CDH9: variants seen among roughly 807,000 people sequenced by gnomAD.
The protein encoded by CDH9 is cadherin-9.
In CDH9, 28 loss-of-function variants were observed where a neutral mutation model predicts 70.9. The observed-to-expected ratio is 0.40, with a 90% CI of 0.29 to 0.54. CDH9 has a LOEUF of 0.54. Among genes scored for constraint, CDH9 ranks in the 20% least tolerant of loss-of-function variants. The pLI, the probability that CDH9 is intolerant of heterozygous loss-of-function variation, is 0.59. For synonymous variants in CDH9, 409 were observed against 343.1 expected, an observed-to-expected ratio of 1.19 and a Z score of -2.12; for missense variants, 874 against 984.4, an observed-to-expected ratio of 0.89 and a Z score of 1.50.
intron 2 of CDH9, among the ~76,000 whole-genome samples, chr5:26,960,399 A>G (rs1006199688): frequency 3.3e-5 from 5 of 152,056 alleles, no homozygotes; most frequent in African/African-American, 1.2e-4. Flanking sequence ...TCCAATCACT[A>G]GTATGCTTAC....
At chr5:26,975,153 TC>T (rs898798111) in intron 2 of CDH9, among the ~76,000 whole-genome samples, 1 of 152,154 alleles carries the variant, frequency 6.6e-6, no homozygotes, top group African/African-American at 2.4e-5. Flanking sequence ...GAAAGCTACT[TC>T]CTGATTTCAC....
chr5:27,035,883 T>C (rs1743385481), intron 1 of CDH9, among the ~76,000 whole-genome samples: 1 of 151,822 alleles, frequency 6.6e-6, no homozygotes, highest in South Asian at 2.1e-4. Flanking sequence ...TAAATTATAT[T>C]GAAGCATCTG....
chr5:26,985,490 C>T (rs894247239), intron 2 of CDH9, among the ~76,000 whole-genome samples: 1 of 152,000 alleles, frequency 6.6e-6, no homozygotes, highest in African/African-American at 2.4e-5. Context: ...AATTTTTCTG[C>T]ACTATTTTAT....
chr5:26,910,647 A>C (rs887359297), intron 3 of CDH9, among the ~76,000 whole-genome samples: 1 of 152,204 alleles, frequency 6.6e-6, no homozygotes, highest in Non-Finnish European at 1.5e-5. Flanking sequence ...AAAGAGGTGA[A>C]TAGTATGGGC....
chr5:26,924,371 G>T (rs1741299379), intron 2 of CDH9, among the ~76,000 whole-genome samples: 1 of 151,190 alleles, frequency 6.6e-6, no homozygotes, highest in Non-Finnish European at 1.5e-5. Context: ...CTAAACAGAT[G>T]AATAATAATG....
Position 27,033,399 on chromosome 5 carries a change from G to A in CDH9, c.-50+5064C>T, listed in dbSNP as rs546127145. Among the ~76,000 whole-genome samples the A allele has an allele frequency of 7.3e-5, 11 of 151,206 alleles. No homozygotes were observed. The South Asian group carries it at 2.1e-3, about 29-fold the overall frequency. On this transcript the variant is annotated intron_variant, in intron 1 of 11. Coordinates refer to ENST00000231021, the MANE Select transcript of CDH9 (RefSeq NM_016279.4). ...ATACACACACAAACATACAGACATAGCTATAGATACAGATATACAGAAATA... is the reference window on the plus strand; with the variant it reads ...ATACACACACAAACATACAGACATAACTATAGATACAGATATACAGAAATA...
At chr5:26,888,215 T>G (rs1740597781) in intron 9 of CDH9, among the ~76,000 whole-genome samples, 1 of 152,188 alleles carries the variant, frequency 6.6e-6, no homozygotes, top group South Asian at 2.1e-4. Flanking sequence ...TCATATGTAT[T>G]TGGTGGGAAT....
intron 1 of CDH9, among the ~76,000 whole-genome samples, chr5:26,996,469 T>C (rs529711794): frequency 6.6e-6 from 1 of 152,152 alleles, no homozygotes; most frequent in Admixed American, 6.5e-5. Flanking sequence ...TCCAATACTC[T>C]GTTTTGTCTC....
At chr5:26,953,368 G>A (rs770358402) in intron 2 of CDH9, among the ~76,000 whole-genome samples, 4 of 152,096 alleles carry the variant, frequency 2.6e-5, no homozygotes, top group Non-Finnish European at 5.9e-5. Context: ...TAATCATAAT[G>A]CATTTTCTCC....
At chr5:26,986,239 T>C (rs1186219975) in intron 2 of CDH9, among the ~76,000 whole-genome samples, 1 of 152,084 alleles carries the variant, frequency 6.6e-6, no homozygotes, top group Non-Finnish European at 1.5e-5. Flanking sequence ...AGTGTTCCAT[T>C]TGTGGTTCAT....
At chr5:26,987,195 A>G (rs1345933340) in intron 2 of CDH9, among the ~76,000 whole-genome samples, 7 of 149,326 alleles carry the variant, frequency 4.7e-5, no homozygotes, top group South Asian at 4.2e-4. Context: ...CTCTCCAAGT[A>G]CATATATGCC....
intron 2 of CDH9, among the ~76,000 whole-genome samples, chr5:26,983,570 A>C (rs1196414230): frequency 6.6e-6 from 1 of 152,200 alleles, no homozygotes; most frequent in Non-Finnish European, 1.5e-5. Flanking sequence ...TGCTGTCCTT[A>C]AAGCGTAGTC....
At position 26,902,850 on chromosome 5, in the gene CDH9, G is replaced by A. The variant is rs1740881105; in HGVS notation, c.1000-121C>T. 4.9e-6 allele frequency: 3 copies of A among 611,810 alleles called. No homozygotes were observed. The Admixed American group carries it at 8.8e-5, about 18-fold the overall frequency. 37.9% of individuals were successfully genotyped at this position (611,810 alleles called of 1,614,324 possible). A position where few individuals can be genotyped will look rare whatever the true frequency, so the allele number is the denominator to read the frequency against. On this transcript the variant is annotated intron_variant, in intron 6 of 11. Coordinates refer to ENST00000231021, the MANE Select transcript of CDH9 (RefSeq NM_016279.4). ...CCAACAATTCTATTTAAATGACAAT[G>A]ATTGCTTCATAGGTATATGAAATAA...
chr5:27,003,551 C>T (rs1171836528), intron 1 of CDH9, among the ~76,000 whole-genome samples: 2 of 152,028 alleles, frequency 1.3e-5, no homozygotes, highest in East Asian at 3.9e-4. Context: ...TTGAAAATGG[C>T]ACATGATCTC....
chr5:26,955,468 T>G (rs1476357150), intron 2 of CDH9, among the ~76,000 whole-genome samples: 2 of 152,190 alleles, frequency 1.3e-5, no homozygotes, highest in East Asian at 1.9e-4. Context: ...TTAAGTTTTT[T>G]GGGGCTGCCT....
At chr5:27,022,008 C>G (rs1166466319) in intron 1 of CDH9, among the ~76,000 whole-genome samples, 1 of 151,916 alleles carries the variant, frequency 6.6e-6, no homozygotes, top group African/African-American at 2.4e-5. Flanking sequence ...TACATTGAAA[C>G]AGAGGGTGTT....
chr5:26,967,006 C>T (rs959760292), intron 2 of CDH9, among the ~76,000 whole-genome samples: 3 of 152,126 alleles, frequency 2.0e-5, no homozygotes, highest in Non-Finnish European at 2.9e-5. Context: ...GATCACAGCT[C>T]GTTGCAGCCT....
At chr5:27,033,704 A>G (rs1743347044) in intron 1 of CDH9, among the ~76,000 whole-genome samples, 1 of 151,562 alleles carries the variant, frequency 6.6e-6, no homozygotes, top group Non-Finnish European at 1.5e-5. Context: ...TAACATATAT[A>G]TGGGAATATT....
At chr5:26,952,255 C>T (rs1741859393) in intron 2 of CDH9, among the ~76,000 whole-genome samples, 1 of 149,482 alleles carries the variant, frequency 6.7e-6, no homozygotes, top group Non-Finnish European at 1.5e-5. Flanking sequence ...TGAGCCACCG[C>T]GCCCAGACTC....
Sources: gnomAD v4.1 joint callset for allele counts (sites outside exome capture counted in the v4.1 genomes callset) on GRCh38, gnomAD v4.1.1 for gene constraint, MANE v1.5 for transcripts, NCBI Gene and HGNC (gene_info 2026-07-23, HGNC 2026-07-21) for gene names.